The following POLR3H variants were observed in gnomAD, a reference collection of about 807,000 sequenced individuals.
The protein encoded by POLR3H is DNA-directed RNA polymerase III subunit RPC8.
A neutral mutation model predicts 25.5 loss-of-function variants in POLR3H; 17 were observed. The ratio of observed to expected loss-of-function variants is 0.67; its 90% CI spans 0.46 to 1.00. The LOEUF (loss-of-function observed/expected upper bound fraction) is 1.00. POLR3H is among the 50% of genes least tolerant of loss of function. The pLI, the probability that POLR3H is intolerant of heterozygous loss-of-function variation, is 0.00. For missense variants in POLR3H, 274 were observed against 265.0 expected (o/e 1.03, Z -0.24); for synonymous variants, 129 against 103.0 (o/e 1.25, Z -1.53).
In POLR3H at chr22:41,528,978, A is replaced by G. The variant is rs928270550; in HGVS notation, c.*305T>C. On this transcript the variant is annotated 3_prime_UTR_variant, in exon 6 of 6. Transcript: ENST00000355209. The stretch of plus-strand genomic sequence containing the variant: ...GGAAAACAAGAATCCAAAACCAGTG[A>G]CTGTTCTGTGAGTGATTGGTGTCTG... 11 of 527,934 alleles carry G rather than the reference A, an allele frequency of 2.1e-5. No homozygotes were observed. The highest frequency in any genetic ancestry group is 1.1e-4 in the Admixed American group (3 of 27,446). The allele number at this position is 527,934 out of a possible 1,614,324, so 32.7% of individuals were successfully genotyped here.
At position 41,540,195 on chromosome 22, in the gene POLR3H, A is replaced by G. The variant is rs1344327490; in HGVS notation, c.208+504T>C. 1.2e-5 allele frequency: 3 copies of G among 250,650 alleles called. No individual in the cohort carries two copies. In the East Asian group the frequency reaches 3.1e-4, roughly 26 times the overall value. 15.5% of individuals were successfully genotyped at this position (250,650 alleles called of 1,614,324 possible). A position where few individuals can be genotyped will look rare whatever the true frequency, so the allele number is the denominator to read the frequency against. On this transcript the variant is annotated intron_variant, in intron 2 of 5. Transcript: ENST00000355209. ...TCCCCCACCCCCAGCCAGCCTGCTG[A>G]TCCCCCTTCCGTCTGCTCTCCACAG...
chr22:41,526,820 T>A lies in POLR3H; in HGVS notation c.*2463A>T, dbSNP rs1393662159. The A allele has an allele frequency of 6.7e-6, 2 of 297,860 alleles. No homozygotes were observed. Among genetic ancestry groups the A allele is most frequent in the African/African-American group, 4.4e-5 (2 of 45,922 alleles). 18.5% of individuals were successfully genotyped at this position (297,860 alleles called of 1,614,324 possible). ...AGAGAGGGTCTGAGGTGATTGGACT[T>A]TTTCTGCTTTGAGAAACAAACAGAA... is the stretch of plus-strand genomic sequence containing the variant. On this transcript the variant is annotated 3_prime_UTR_variant, in exon 6 of 6. Transcript: ENST00000355209.
chr22:41,542,129 G>A (rs570277136), intron 1 of POLR3H, among the ~76,000 whole-genome samples: 43 of 151,964 alleles, frequency 2.8e-4, no homozygotes, highest in African/African-American at 8.4e-4. Flanking sequence ...TGTCACCCAG[G>A]CTGGAAGGCA....
intron 5 of POLR3H, among the ~76,000 whole-genome samples, chr22:41,530,304 C>T (rs888594101): frequency 1.3e-5 from 2 of 152,048 alleles, no homozygotes; most frequent in African/African-American, 4.8e-5. Flanking sequence ...GACAACTTCT[C>T]ACTTTTTTAG....
intron 2 of POLR3H, among the ~76,000 whole-genome samples, chr22:41,533,192 C>T (rs2066775989): frequency 6.6e-6 from 1 of 152,186 alleles, no homozygotes; most frequent in Non-Finnish European, 1.5e-5. Context: ...AGGCCAGCAG[C>T]CCAGCAAAAA....
intron 2 of POLR3H, among the ~76,000 whole-genome samples, chr22:41,538,834 GAC>G (rs1196698715): frequency 6.6e-6 from 1 of 152,204 alleles, no homozygotes. Flanking sequence ...TGAATGGCTG[GAC>G]ACAGACACTA....
chr22:41,532,267 C>A, intron 3 of POLR3H, 110 bp from the exon 4 acceptor site: 1 of 1,082,132 alleles, frequency 9.2e-7, no homozygotes, highest in Non-Finnish European at 1.4e-6. Flanking sequence ...GCCCACGAGG[C>A]GGATGTCGCT....
intron 1 of POLR3H, 92 bp from the exon 2 acceptor site, chr22:41,540,887 C>T: frequency 1.1e-6 from 1 of 901,720 alleles, no homozygotes; most frequent in South Asian, 1.5e-5. Flanking sequence ...CTCACAACCA[C>T]AAGCAAGCCA....
chr22:41,528,150 A>C lies in POLR3H; in HGVS notation c.*1133T>G. The C allele has an allele frequency of 2.1e-6, 3 of 1,416,024 alleles. No homozygotes were observed. Among genetic ancestry groups the C allele is most frequent in the Non-Finnish European group, 2.9e-6 (3 of 1,045,544 alleles). The allele number at this position is 1,416,024 out of a possible 1,614,324, so 87.7% of individuals were successfully genotyped here. A position where few individuals can be genotyped will look rare whatever the true frequency, so the allele number is the denominator to read the frequency against. On this transcript the variant is annotated 3_prime_UTR_variant, in exon 6 of 6. Coordinates refer to ENST00000355209, the MANE Select transcript of POLR3H (RefSeq NM_001018050.4). ...CAGCTGGAAAGGCCCCCAGTTCTCC[A>C]GGTGGCCCCACAGAGAAAGCAAAGT...
At chr22:41,537,165 C>T (rs1466759159) in intron 2 of POLR3H, among the ~76,000 whole-genome samples, 1 of 152,058 alleles carries the variant, frequency 6.6e-6, no homozygotes, top group African/African-American at 2.4e-5. Context: ...GGTCCCATGC[C>T]ACAAAGGCCA....
In POLR3H at chr22:41,525,994, T is replaced by C. The variant is rs769085848; in HGVS notation, c.*3289A>G. On this transcript the variant is annotated 3_prime_UTR_variant, in exon 6 of 6. Coordinates refer to ENST00000355209, the MANE Select transcript of POLR3H (RefSeq NM_001018050.4). ...TGAGGCCTGAAGGGTGAGCGAACATTGACCTGTCCCAACTTTGGGCGGCCT... is the reference window on the plus strand; with the variant it reads ...TGAGGCCTGAAGGGTGAGCGAACATCGACCTGTCCCAACTTTGGGCGGCCT... 17 of 402,334 alleles carry C rather than the reference T, an allele frequency of 4.2e-5. No individual in the cohort carries two copies. The highest frequency in any genetic ancestry group is 6.3e-5 in the Non-Finnish European group (14 of 222,594). The allele number at this position is 402,334 out of a possible 1,614,324, so 24.9% of individuals were successfully genotyped here. A position where few individuals can be genotyped will look rare whatever the true frequency, so the allele number is the denominator to read the frequency against.
chr22:41,540,070 A>G (rs2066905345), intron 2 of POLR3H: 1 of 178,844 alleles, frequency 5.6e-6, no homozygotes, highest in African/African-American at 2.4e-5. Context: ...AGAGGCACAG[A>G]GCAATGACAT....
Position 41,530,588 on chromosome 22 carries a change from G to A in POLR3H, c.561+99C>T, listed in dbSNP as rs190863196. The A allele has an allele frequency of 4.1e-5, 47 of 1,144,100 alleles. No individual in the cohort carries two copies. In the African/African-American group the frequency reaches 4.9e-4, roughly 12 times the overall value. The allele number at this position is 1,144,100 out of a possible 1,614,324, so 70.9% of individuals were successfully genotyped here. On this transcript the variant is annotated intron_variant, in intron 5 of 5. Coordinates refer to ENST00000355209, the MANE Select transcript of POLR3H (RefSeq NM_001018050.4). ...CCCCAAACAGGATCCCTGACCTGCTGGGGGAGATCCCAGAGCAGAAGCCCC... is the reference window on the plus strand; with the variant it reads ...CCCCAAACAGGATCCCTGACCTGCTAGGGGAGATCCCAGAGCAGAAGCCCC...
intron 2 of POLR3H, among the ~76,000 whole-genome samples, chr22:41,538,776 G>C (rs577128433): frequency 6.6e-6 from 1 of 152,056 alleles, no homozygotes; most frequent in African/African-American, 2.4e-5. Flanking sequence ...CTGTTTCTTC[G>C]GCCTCTCGGC....
intron 4 of POLR3H, among the ~76,000 whole-genome samples, chr22:41,531,104 G>A (rs1214263071): frequency 1.3e-5 from 2 of 152,226 alleles, no homozygotes. Context: ...GGGAACATGG[G>A]GTCCCCAGCC....
Position 41,526,470 on chromosome 22 carries a change from A to G in POLR3H, c.*2813T>C. 1.2e-6 allele frequency: 2 copies of G among 1,604,962 alleles called. No homozygotes were observed. The highest frequency in any genetic ancestry group is 1.7e-6 in the Non-Finnish European group (2 of 1,174,030). ...TACTACAAGGTGGGTCAGAGTTGAT[A>G]GGGGCAATGCCAGTGGTCACTCCTG... On this transcript the variant is annotated 3_prime_UTR_variant, in exon 6 of 6. Transcript: ENST00000355209.
rs1407228496 is a variant in POLR3H, at chr22:41,526,876, G to A, written c.*2407C>T. ...GCTGAACCCAAGTCCTGGCCCAGCC[G>A]GGTGAAAGGACTCTGGCACCCCCTG... On this transcript the variant is annotated 3_prime_UTR_variant, in exon 6 of 6. Transcript: ENST00000355209. 13 of 307,362 alleles carry A rather than the reference G, an allele frequency of 4.2e-5. No individual in the cohort carries two copies. The highest frequency in any genetic ancestry group is 3.9e-4 in the South Asian group (9 of 22,828). The allele number at this position is 307,362 out of a possible 1,614,324, so 19.0% of individuals were successfully genotyped here. A position where few individuals can be genotyped will look rare whatever the true frequency, so the allele number is the denominator to read the frequency against.
intron 2 of POLR3H, 75 bp downstream of exon 2, chr22:41,540,624 G>T: frequency 8.7e-7 from 1 of 1,145,242 alleles, no homozygotes; most frequent in Non-Finnish European, 1.3e-6. Context: ...CACTGAACCT[G>T]GATTTGGCTT....
Position 41,530,643 on chromosome 22 carries a change from C to T in POLR3H, c.561+44G>A, listed in dbSNP as rs2066708904. ...CACAGCTTCCAGCCCTGCACTCCGG[C>T]TCTCCCGCCTCATGGGGGCTTCAGC... On this transcript the variant is annotated intron_variant, in intron 5 of 5. Transcript: ENST00000355209. 3 of 1,552,574 alleles carry T rather than the reference C, an allele frequency of 1.9e-6. No homozygotes were observed. In the East Asian group the frequency reaches 6.9e-5, roughly 36 times the overall value.
Sources: allele counts gnomAD v4.1 joint callset (sites outside exome capture counted in the v4.1 genomes callset), GRCh38; gene constraint gnomAD v4.1.1; transcripts MANE v1.5; gene names NCBI Gene and HGNC (gene_info 2026-07-23, HGNC 2026-07-21).